TPPP: variants seen among roughly 807,000 people sequenced by gnomAD.
The protein encoded by TPPP is tubulin polymerization promoting protein, also known as tubulin polymerization-promoting protein.
TPPP carries 6 observed loss-of-function variants against 15.5 expected under a neutral mutation model. The ratio of observed to expected loss-of-function variants is 0.39; its 90% CI spans 0.21 to 0.77. TPPP has a LOEUF of 0.77. TPPP is among the 30% of genes least tolerant of loss of function. The pLI is 0.42. For missense variants in TPPP, 269 were observed against 307.2 expected, an observed-to-expected ratio of 0.88 and a Z score of 0.93; for synonymous variants, 146 against 133.9, an observed-to-expected ratio of 1.09 and a Z score of -0.63.
chr5:679,791 C>A (rs1270320638), intron 1 of TPPP, among the ~76,000 whole-genome samples: 1 of 151,204 alleles, frequency 6.6e-6, no homozygotes, highest in Non-Finnish European at 1.5e-5. Context: ...AACCTGCACC[C>A]CGTGGGGCCC....
chr5:666,148 G>A (rs1386864119), intron 2 of TPPP, 25 bp from the exon 3 acceptor site: 4 of 1,604,208 alleles, frequency 2.5e-6, no homozygotes, highest in Middle Eastern at 1.6e-4. Flanking sequence ...GCGACTTAGG[G>A]CTGGGCGCGG....
chr5:694,184 G>A (rs1273707440), upstream of TPPP, among the ~76,000 whole-genome samples: 1 of 151,444 alleles, frequency 6.6e-6, no homozygotes, highest in Non-Finnish European at 1.5e-5. Flanking sequence ...TTGCGGAGGG[G>A]GCTCATTCCG....
chr5:670,289 C>T (rs561577180), intron 2 of TPPP, among the ~76,000 whole-genome samples: 2 of 152,112 alleles, frequency 1.3e-5, no homozygotes, highest in Non-Finnish European at 2.9e-5. Context: ...CTCTGAGGGG[C>T]GGGGGCCGGC....
At chr5:670,716 C>T (rs556265600) in intron 2 of TPPP, among the ~76,000 whole-genome samples, 5 of 152,288 alleles carry the variant, frequency 3.3e-5, no homozygotes, top group Admixed American at 3.3e-4. Flanking sequence ...CTTGGGGTTC[C>T]CCATGCCTGT....
chr5:677,731 G>A lies in TPPP; in HGVS notation c.311+19C>T, dbSNP rs200157899. The A allele has an allele frequency of 1.9e-4, 289 of 1,529,616 alleles. No homozygotes were observed. In the East Asian group the frequency reaches 3.7e-3, roughly 20 times the overall value. The allele number at this position is 1,529,616 out of a possible 1,614,324, so 94.8% of individuals were successfully genotyped here. On this transcript the variant is annotated intron_variant, in intron 2 of 3. Coordinates refer to ENST00000360578, the MANE Select transcript of TPPP (RefSeq NM_007030.3). ...CCCCGTAAGTCAGGTCCCTCGGCCC[G>A]TGAGCCCAGCGCACTCACTTGATCT...
intron 2 of TPPP, among the ~76,000 whole-genome samples, chr5:668,192 C>T (rs1477046684): frequency 8.2e-6 from 1 of 122,676 alleles, no homozygotes; most frequent in Non-Finnish European, 1.8e-5. Context: ...CGCGTGGGCG[C>T]CGTCAGGGAA....
At chr5:667,546 G>GA (rs1328757969) in intron 2 of TPPP, among the ~76,000 whole-genome samples, 2 of 152,108 alleles carry the variant, frequency 1.3e-5, no homozygotes, top group South Asian at 2.1e-4. Context: ...GCCTATAGTG[G>GA]AAAAAATGGA....
At position 692,619 on chromosome 5, in the gene TPPP, G is replaced by C. The variant is rs565216320; in HGVS notation, c.-5+659C>G. ...AGAATAAAGGGCTCCTCAGATCTTC[G>C]GGCGCTGCTCCCAGGGGTGCGGGAA... On this transcript the variant is annotated intron_variant, in intron 1 of 3. Transcript: ENST00000360578. 8 of 983,472 alleles carry C rather than the reference G, an allele frequency of 8.1e-6. No individual in the cohort carries two copies. The East Asian group carries it at 8.0e-4, about 99-fold the overall frequency. 60.9% of individuals were successfully genotyped at this position (983,472 alleles called of 1,614,324 possible).
At chr5:694,371 T>A (rs2455368), upstream of TPPP, among the ~76,000 whole-genome samples, 1 of 112,660 alleles carries the variant, frequency 8.9e-6, no homozygotes, top group African/African-American at 2.7e-5. Flanking sequence ...GACTTTCAGC[T>A]GGACTCTTCC....
chr5:698,424 T>G, the TPPP span, among the ~76,000 whole-genome samples: 3 of 152,170 alleles, frequency 2.0e-5, no homozygotes, highest in African/African-American at 7.2e-5. Flanking sequence ...CCCTGAAGAC[T>G]TGTATCACTG....
At chr5:673,063 C>T (rs932675254) in intron 2 of TPPP, among the ~76,000 whole-genome samples, 1 of 152,170 alleles carries the variant, frequency 6.6e-6, no homozygotes, top group African/African-American at 2.4e-5. Flanking sequence ...TCTGCAGTAC[C>T]GAAGGCCACT....
chr5:668,768 C>CAA (rs1219603848), intron 2 of TPPP, among the ~76,000 whole-genome samples: 1 of 152,240 alleles, frequency 6.6e-6, no homozygotes, highest in Non-Finnish European at 1.5e-5. Context: ...CACCAAACCC[C>CAA]AAACAATCCA....
intron 2 of TPPP, among the ~76,000 whole-genome samples, chr5:674,991 G>A (rs145880946): frequency 1.2e-3 from 173 of 146,058 alleles, no homozygotes; most frequent in Non-Finnish European, 1.7e-3. Flanking sequence ...ATCTGTGGCC[G>A]GGGGAGCAGT....
upstream of TPPP, among the ~76,000 whole-genome samples, chr5:693,709 G>T (rs1167103026): frequency 1.1e-4 from 16 of 151,098 alleles, no homozygotes; most frequent in African/African-American, 3.6e-4. Context: ...CGCCCCGCAG[G>T]ACGCGCGTTG....
In TPPP at chr5:671,226, C is replaced by T. The variant is rs568853119; in HGVS notation, c.312-5103G>A. Among the ~76,000 whole-genome samples the T allele has an allele frequency of 3.5e-5, 5 of 143,336 alleles. 1 individual carries two copies. Among genetic ancestry groups the T allele is most frequent in the African/African-American group, 1.3e-4 (5 of 39,134 alleles). 94.0% of individuals were successfully genotyped at this position (143,336 alleles called of 152,430 possible). A position where few individuals can be genotyped will look rare whatever the true frequency, so the allele number is the denominator to read the frequency against. On this transcript the variant is annotated intron_variant, in intron 2 of 3. Transcript: ENST00000360578. ...CTGCTAATTAATTTTGCGTTGCTGC[C>T]GGCCTTTTCGTTTTCCTGGGGAGGG... is the stretch of plus-strand genomic sequence containing the variant.
intron 1 of TPPP, among the ~76,000 whole-genome samples, chr5:680,822 C>T (rs1430765248): frequency 6.6e-6 from 1 of 152,198 alleles, no homozygotes; most frequent in Non-Finnish European, 1.5e-5. Flanking sequence ...ATTAGCTTAA[C>T]AAAATATTTT....
intron 2 of TPPP, among the ~76,000 whole-genome samples, chr5:671,217 C>T (rs147771421): frequency 0.013 from 1,821 of 142,480 alleles, 43 homozygotes; most frequent in African/African-American, 0.045. Flanking sequence ...ATTAATTTTG[C>T]GTTGCTGCCG....
At chr5:675,606 A>C in intron 2 of TPPP, among the ~76,000 whole-genome samples, 1 of 151,460 alleles carries the variant, frequency 6.6e-6, no homozygotes, top group African/African-American at 2.4e-5. Context: ...TGGGGGGTAC[A>C]GTGTGGCCGG....
intron 1 of TPPP, among the ~76,000 whole-genome samples, chr5:681,539 G>C (rs966046091): frequency 2.6e-5 from 4 of 152,164 alleles, no homozygotes; most frequent in African/African-American, 9.7e-5. Context: ...GCACCTCCCT[G>C]GTAGGAGGGA....
Sources: gnomAD v4.1 joint callset for allele counts (sites outside exome capture counted in the v4.1 genomes callset) on GRCh38, gnomAD v4.1.1 for gene constraint, MANE v1.5 for transcripts, NCBI Gene and HGNC (gene_info 2026-07-23, HGNC 2026-07-21) for gene names.